The following XKR4 variants were observed in gnomAD, a reference collection of about 807,000 sequenced individuals.
XKR4 encodes XK related 4.
XKR4 carries 12 observed loss-of-function variants against 53.9 expected under a neutral mutation model. That is an observed-to-expected ratio of 0.22 (90% CI 0.14 to 0.36). XKR4 has a LOEUF of 0.36. Among genes scored for constraint, XKR4 ranks in the 10% least tolerant of loss-of-function variants. The pLI is 1.00. For synonymous variants in XKR4, 354 were observed against 362.4 expected (o/e 0.98, Z 0.26); for missense variants, 799 against 859.5 (o/e 0.93, Z 0.88).
chr8:55,451,399 C>G, intron 2 of XKR4: 2 of 869,308 alleles, frequency 2.3e-6, no homozygotes, highest in Non-Finnish European at 3.7e-6. Flanking sequence ...AAGTGTGTTG[C>G]GTCCGGACGC....
chr8:55,107,712 A>G (rs1816169333), intron 1 of XKR4, among the ~76,000 whole-genome samples: 1 of 152,200 alleles, frequency 6.6e-6, no homozygotes. Flanking sequence ...AATGGGTAGA[A>G]AAACTAAGGA....
intron 2 of XKR4, among the ~76,000 whole-genome samples, chr8:55,505,834 C>G (rs548023823): frequency 6.6e-6 from 1 of 152,256 alleles, no homozygotes; most frequent in African/African-American, 2.4e-5. Flanking sequence ...GTTGAACAAC[C>G]TGATTTTTAA....
intron 2 of XKR4, among the ~76,000 whole-genome samples, chr8:55,476,613 G>T (rs796264972): frequency 6.6e-6 from 1 of 152,088 alleles, no homozygotes; most frequent in Non-Finnish European, 1.5e-5. Context: ...CTCAGGAAGT[G>T]CAAGGGGTCA....
chr8:55,502,077 C>T (rs922749916), intron 2 of XKR4, among the ~76,000 whole-genome samples: 1 of 152,166 alleles, frequency 6.6e-6, no homozygotes, highest in Non-Finnish European at 1.5e-5. Context: ...AAATAAAAGT[C>T]TGTACATTTT....
chr8:55,454,975 G>C (rs1454127792), intron 2 of XKR4: 22 of 857,676 alleles, frequency 2.6e-5, no homozygotes, highest in Non-Finnish European at 3.6e-5. Flanking sequence ...GATTCCTCTC[G>C]GGACACATCT....
chr8:55,179,051 A>G (rs545719038), intron 1 of XKR4, among the ~76,000 whole-genome samples: 21 of 152,188 alleles, frequency 1.4e-4, no homozygotes, highest in Non-Finnish European at 2.9e-4. Context: ...AAATTAGACA[A>G]GAGGAAGAGG....
intron 1 of XKR4, among the ~76,000 whole-genome samples, chr8:55,106,850 G>A (rs780371778): frequency 7.2e-5 from 11 of 152,080 alleles, no homozygotes; most frequent in Non-Finnish European, 1.3e-4. Context: ...AAAATGTGAG[G>A]AAAATGCAGT....
intron 2 of XKR4, chr8:55,450,320 C>A: frequency 1.4e-6 from 1 of 727,880 alleles, no homozygotes; most frequent in South Asian, 1.7e-5. Context: ...ATCTCCTCAG[C>A]GCAGAAGTCC....
At chr8:55,356,770 A>G (rs1803801618) in intron 1 of XKR4, among the ~76,000 whole-genome samples, 2 of 152,180 alleles carry the variant, frequency 1.3e-5, no homozygotes, top group Admixed American at 6.5e-5. Flanking sequence ...CCCTTGAACA[A>G]TACAAGTTTG....
intron 1 of XKR4, among the ~76,000 whole-genome samples, chr8:55,150,330 T>C (rs1289834297): frequency 1.3e-5 from 2 of 152,246 alleles, no homozygotes; most frequent in South Asian, 2.1e-4. Flanking sequence ...AGCAGATTTA[T>C]TGCAGGCTGA....
At chr8:55,251,979 G>T (rs1166581301) in intron 1 of XKR4, among the ~76,000 whole-genome samples, 1 of 152,124 alleles carries the variant, frequency 6.6e-6, no homozygotes, top group African/African-American at 2.4e-5. Context: ...ATATTATACT[G>T]ACTGGCCAAT....
chr8:55,372,147 T>C (rs1171056112), intron 2 of XKR4, among the ~76,000 whole-genome samples: 1 of 152,178 alleles, frequency 6.6e-6, no homozygotes, highest in African/African-American at 2.4e-5. Flanking sequence ...TCTAGAGCAG[T>C]CAGTTCAATC....
rs192741922 is a variant in XKR4 at position 55,450,033 on chromosome 8, G to C, written c.1007-73248G>C. On this transcript the variant is annotated intron_variant, in intron 2 of 2. Coordinates refer to ENST00000327381, the MANE Select transcript of XKR4 (RefSeq NM_052898.2). Reference sequence around the variant, plus strand: ...GAGGTGCGGTGGACACTAGGAGGGAGCTAGGGGTGCCACGTCCATCTGGCC... The same window carrying C: ...GAGGTGCGGTGGACACTAGGAGGGACCTAGGGGTGCCACGTCCATCTGGCC... 2.3e-4 allele frequency: 178 copies of C among 784,756 alleles called. No homozygotes were observed. In the African/African-American group the frequency reaches 2.9e-3, roughly 13 times the overall value. The allele number at this position is 784,756 out of a possible 1,614,324, so 48.6% of individuals were successfully genotyped here.
At chr8:55,330,201 G>A (rs1803363216) in intron 1 of XKR4, among the ~76,000 whole-genome samples, 1 of 152,080 alleles carries the variant, frequency 6.6e-6, no homozygotes, top group Non-Finnish European at 1.5e-5. Context: ...AACCAATAAG[G>A]CAGTGTAGGT....
chr8:55,339,454 G>T (rs1803510002), intron 1 of XKR4, among the ~76,000 whole-genome samples: 1 of 152,148 alleles, frequency 6.6e-6, no homozygotes, highest in Admixed American at 6.5e-5. Flanking sequence ...GATCATGCGT[G>T]TTCATTCCGG....
rs201656900 is a variant in XKR4 at position 55,438,788 on chromosome 8, G to C, written c.1006+80911G>C. Among the ~76,000 whole-genome samples, 14 of 152,244 alleles carry C rather than the reference G, an allele frequency of 9.2e-5. 1 individual carries two copies. The East Asian group carries it at 2.7e-3, about 29-fold the overall frequency. ...TATCTTAAAATATTGAGACATAGCT[G>C]AGTTGGCAGGAATATAAGGACAAGA... On this transcript the variant is annotated intron_variant, in intron 2 of 2. Transcript: ENST00000327381.
intron 2 of XKR4, among the ~76,000 whole-genome samples, chr8:55,467,023 G>A (rs559495608): frequency 3.9e-5 from 6 of 152,120 alleles, no homozygotes; most frequent in African/African-American, 1.5e-4. Context: ...GCTTGGCTGG[G>A]TTTTCCACTC....
chr8:55,317,552 G>T (rs948514308), intron 1 of XKR4, among the ~76,000 whole-genome samples: 4 of 152,226 alleles, frequency 2.6e-5, no homozygotes, highest in Non-Finnish European at 4.4e-5. Flanking sequence ...ATTAACATTG[G>T]CTCTGATTTA....
intron 1 of XKR4, among the ~76,000 whole-genome samples, chr8:55,196,157 T>C (rs1302839051): frequency 2.0e-5 from 3 of 150,172 alleles, no homozygotes; most frequent in Non-Finnish European, 4.4e-5. Flanking sequence ...CACAGGAACA[T>C]GTGGGTGGTT....
Sources: gnomAD v4.1 joint callset for allele counts (sites outside exome capture counted in the v4.1 genomes callset) on GRCh38, gnomAD v4.1.1 for gene constraint, MANE v1.5 for transcripts, NCBI Gene and HGNC (gene_info 2026-07-23, HGNC 2026-07-21) for gene names.